Variants in NRTN observed in about 807,000 individuals in gnomAD.
The protein encoded by NRTN is neurturin.
NRTN carries 3 observed loss-of-function variants against 7.5 expected under a neutral mutation model. That is an observed-to-expected ratio of 0.40 (90% CI 0.18 to 1.03). The LOEUF (loss-of-function observed/expected upper bound fraction) is 1.03. NRTN is among the 50% of genes least tolerant of loss of function. The probability of loss-of-function intolerance (pLI) is 0.34; values close to 1 mark genes in which losing one functional copy is unlikely to be tolerated. For missense variants in NRTN, 310 were observed against 307.0 expected, an observed-to-expected ratio of 1.01 and a Z score of -0.07; for synonymous variants, 157 against 146.6, an observed-to-expected ratio of 1.07 and a Z score of -0.51.
At chr19:5,812,230 C>T (rs1169928331) in intron 1 of NRTN, among the ~76,000 whole-genome samples, 1 of 152,048 alleles carries the variant, frequency 6.6e-6, no homozygotes, top group African/African-American at 2.4e-5. Flanking sequence ...AGCCACCATA[C>T]TCCTCCCCAG....
intron 1 of NRTN, among the ~76,000 whole-genome samples, chr19:5,808,419 T>C (rs941135129): frequency 2.0e-5 from 3 of 152,076 alleles, no homozygotes; most frequent in South Asian, 2.1e-4. Flanking sequence ...ACTGGTGTGG[T>C]CAAGGTGGCA....
chr19:5,810,288 T>A (rs553832855), intron 1 of NRTN, among the ~76,000 whole-genome samples: 7 of 151,496 alleles, frequency 4.6e-5, no homozygotes, highest in African/African-American at 1.5e-4. Context: ...AAAAAAATTT[T>A]TTTTTGTAAA....
At chr19:5,808,355 C>A (rs1792500470) in intron 1 of NRTN, among the ~76,000 whole-genome samples, 4 of 152,220 alleles carry the variant, frequency 2.6e-5, no homozygotes, top group Admixed American at 2.6e-4. Flanking sequence ...CCCCTCCTGC[C>A]AGCTCCAGAT....
At chr19:5,817,813 G>A (rs1400084362) in intron 1 of NRTN, among the ~76,000 whole-genome samples, 3 of 151,932 alleles carry the variant, frequency 2.0e-5, no homozygotes, top group African/African-American at 4.8e-5. Context: ...GTTTTGTTTC[G>A]TTTCCAGACG....
intron 2 of NRTN, 48 bp from the exon 3 acceptor site, chr19:5,827,700 AC>A (rs1238549603): frequency 4.8e-6 from 1 of 207,984 alleles, no homozygotes; most frequent in South Asian, 1.8e-4. Context: ...GCTCCCTCCC[AC>A]CCCCTGCACC....
At position 5,806,758 on chromosome 19, in the gene NRTN, T is replaced by C. The variant is rs1295143266; in HGVS notation, c.-399+1307T>C. 6.6e-6 allele frequency among the ~76,000 whole-genome samples: 1 copy of C among 152,210 alleles called. No individual in the cohort carries two copies. Among genetic ancestry groups the C allele is most frequent in the Non-Finnish European group, 1.5e-5 (1 of 68,036 alleles). ...AACATTCCCCTCTTCAGCTGGGTACTGCATCTGAAACTCCACCATCAGCAC... is the reference window on the plus strand; with the variant it reads ...AACATTCCCCTCTTCAGCTGGGTACCGCATCTGAAACTCCACCATCAGCAC... On this transcript the variant is annotated intron_variant, in intron 1 of 2. Transcript: ENST00000303212. The surrounding 1 kb of genome is among the most constrained non-coding windows in gnomAD (Gnocchi z 5.4).
At chr19:5,819,239 A>G (rs2057015377) in intron 1 of NRTN, among the ~76,000 whole-genome samples, 2 of 93,586 alleles carry the variant, frequency 2.1e-5, no homozygotes, top group South Asian at 8.0e-4. Flanking sequence ...TAAGGGTATT[A>G]CTTGCAGCCA....
chr19:5,826,120 G>C (rs1230823031), intron 2 of NRTN, among the ~76,000 whole-genome samples: 1 of 149,708 alleles, frequency 6.7e-6, no homozygotes, highest in Non-Finnish European at 1.5e-5. Flanking sequence ...GGGCGACAGA[G>C]CGAGACTCCG....
intron 1 of NRTN, among the ~76,000 whole-genome samples, 166 bp downstream of exon 1, chr19:5,805,617 G>A (rs1479739376): frequency 6.6e-6 from 1 of 151,968 alleles, no homozygotes; most frequent in African/African-American, 2.4e-5. Flanking sequence ...AGGGACGACA[G>A]GTCAGCGCGT....
intron 1 of NRTN, among the ~76,000 whole-genome samples, chr19:5,820,426 T>C (rs1486322503): frequency 2.1e-4 from 29 of 141,316 alleles, no homozygotes; most frequent in East Asian, 6.6e-4. Flanking sequence ...ATTAGCTGGG[T>C]GTGGTGGCGG....
intron 1 of NRTN, among the ~76,000 whole-genome samples, chr19:5,819,915 A>C (rs10424887): frequency 0.24 from 36,043 of 152,060 alleles, 4,446 homozygotes; most frequent in South Asian, 0.31. Context: ...TGGAATGACT[A>C]TATCTGTGTT....
chr19:5,808,757 CTTT>C (rs60945267), intron 1 of NRTN, among the ~76,000 whole-genome samples: 210 of 130,336 alleles, frequency 1.6e-3, no homozygotes, highest in African/African-American at 5.0e-3. Context: ...TCAATGGTGG[CTTT>C]TTTTTTTTTT....
chr19:5,825,914 C>T (rs1284244896), intron 2 of NRTN, among the ~76,000 whole-genome samples: 2 of 152,172 alleles, frequency 1.3e-5, no homozygotes, highest in Non-Finnish European at 2.9e-5. Flanking sequence ...GTGGGCGGAT[C>T]ACGAGGTCAG....
chr19:5,825,272 G>T (rs1276983629), intron 2 of NRTN, among the ~76,000 whole-genome samples: 2 of 152,146 alleles, frequency 1.3e-5, no homozygotes, highest in Non-Finnish European at 2.9e-5. Context: ...CCCCACCGCA[G>T]GTGCTGTGGG....
chr19:5,826,402 T>C (rs1173513173), intron 2 of NRTN, among the ~76,000 whole-genome samples: 2 of 152,082 alleles, frequency 1.3e-5, no homozygotes, highest in Admixed American at 6.6e-5. Flanking sequence ...GGAAGCTTCA[T>C]GGGACAGACA....
rs1487652417 is a variant in NRTN, at chr19:5,806,085, A to T, written c.-399+634A>T. Among the ~76,000 whole-genome samples the T allele has an allele frequency of 1.3e-5, 2 of 152,080 alleles. No individual in the cohort carries two copies. Among genetic ancestry groups the T allele is most frequent in the African/African-American group, 2.4e-5 (1 of 41,412 alleles). ...CCCTTAAGGGCAAAGCCTGGATGTGAAGTGGCGGGAGGCTGTGCCTGCCTT... is the reference window on the plus strand; with the variant it reads ...CCCTTAAGGGCAAAGCCTGGATGTGTAGTGGCGGGAGGCTGTGCCTGCCTT... On this transcript the variant is annotated intron_variant, in intron 1 of 2. Coordinates refer to ENST00000303212, the MANE Select transcript of NRTN (RefSeq NM_004558.5). This position sits in a 1 kb window ranked among gnomAD's most constrained non-coding sequence, Gnocchi z 5.4.
At chr19:5,810,538 G>A (rs1205809389) in intron 1 of NRTN, among the ~76,000 whole-genome samples, 1 of 152,036 alleles carries the variant, frequency 6.6e-6, no homozygotes, top group Non-Finnish European at 1.5e-5. Context: ...AGAATTAAAT[G>A]TAGAGGAAAG....
At chr19:5,815,344 A>AGT (rs139182799) in intron 1 of NRTN, among the ~76,000 whole-genome samples, 13,603 of 150,066 alleles carry the variant, frequency 0.091, 693 homozygotes, top group South Asian at 0.16. Flanking sequence ...GGGTTGTTCA[A>AGT]GTGTGTGTGT....
At chr19:5,822,877 A>T (rs2057030412) in intron 1 of NRTN, among the ~76,000 whole-genome samples, 2 of 152,082 alleles carry the variant, frequency 1.3e-5, no homozygotes, top group Non-Finnish European at 2.9e-5. Context: ...AAAATTAGCC[A>T]GGCACGGTGG....
Sources: allele counts gnomAD v4.1 joint callset (sites outside exome capture counted in the v4.1 genomes callset), GRCh38; gene constraint gnomAD v4.1.1; non-coding constraint Gnocchi (gnomAD v3.1); transcripts MANE v1.5; gene names NCBI Gene and HGNC (gene_info 2026-07-23, HGNC 2026-07-21).